PUM2: variants seen among roughly 807,000 people sequenced by gnomAD.
The protein encoded by PUM2 is pumilio homolog 2.
PUM2 carries 57 observed loss-of-function variants against 124.5 expected under a neutral mutation model. The ratio of observed to expected loss-of-function variants is 0.46; its 90% CI spans 0.37 to 0.57. The LOEUF is 0.57. PUM2 is among the 20% of genes least tolerant of loss of function. The pLI, the probability that PUM2 is intolerant of heterozygous loss-of-function variation, is 0.00. For synonymous variants in PUM2, 460 were observed against 446.1 expected (o/e 1.03, Z -0.39); for missense variants, 1,065 against 1,290.6 (o/e 0.83, Z 2.68).
chr2:20,311,677 ATC>A lies in PUM2; in HGVS notation c.349-16_349-15del. On this transcript the variant is annotated splice_polypyrimidine_tract_variant and intron_variant, in intron 4 of 20. Coordinates refer to ENST00000361078, the MANE Select transcript of PUM2 (RefSeq NM_015317.5). ...ATCTCTAGTGCCCTGAGGAAAAAGA[ATC>A]TGTTTGATTCTGAATATTTAATAGA... is the stretch of plus-strand genomic sequence containing the variant. The A allele has an allele frequency of 6.2e-7, 1 of 1,606,542 alleles. No homozygotes were observed. The highest frequency in any genetic ancestry group is 8.5e-7 in the Non-Finnish European group (1 of 1,177,986).
At chr2:20,303,435 G>GTTTTTT (rs11444507) in intron 7 of PUM2, among the ~76,000 whole-genome samples, 2 of 129,782 alleles carry the variant, frequency 1.5e-5, no homozygotes, top group Non-Finnish European at 3.2e-5. Flanking sequence ...AAGCTTTCAA[G>GTTTTTT]TTTTTTTTTT....
intron 7 of PUM2, among the ~76,000 whole-genome samples, chr2:20,302,377 T>A (rs915171533): frequency 2.0e-5 from 3 of 152,208 alleles, no homozygotes; most frequent in South Asian, 2.1e-4. Flanking sequence ...AATTAAAAAA[T>A]TTTTTAAAAA....
chr2:20,331,093 C>T (rs1421291417), intron 1 of PUM2, among the ~76,000 whole-genome samples: 1 of 149,052 alleles, frequency 6.7e-6, no homozygotes, highest in Non-Finnish European at 1.5e-5. Context: ...AGCCCTGGCA[C>T]ACAGAAACGT....
intron 8 of PUM2, among the ~76,000 whole-genome samples, chr2:20,296,833 CTG>C (rs766942137): frequency 6.6e-6 from 1 of 152,232 alleles, no homozygotes; most frequent in Non-Finnish European, 1.5e-5. Flanking sequence ...TCAAATAAGA[CTG>C]TGCCTGATCA....
At chr2:20,276,414 T>C (rs936798677) in intron 13 of PUM2, among the ~76,000 whole-genome samples, 1 of 151,992 alleles carries the variant, frequency 6.6e-6, no homozygotes, top group African/African-American at 2.4e-5. Context: ...CATCTTAAAA[T>C]AAAATCTCCC....
chr2:20,272,074 G>T (rs533653592), intron 13 of PUM2, among the ~76,000 whole-genome samples: 1 of 152,108 alleles, frequency 6.6e-6, no homozygotes, highest in Admixed American at 6.5e-5. Context: ...CAGGAGAATC[G>T]CTTGAACCTG....
At chr2:20,319,642 T>G (rs1431717329) in intron 2 of PUM2, among the ~76,000 whole-genome samples, 2 of 152,142 alleles carry the variant, frequency 1.3e-5, no homozygotes, top group African/African-American at 2.4e-5. Context: ...ATGTGTGTGT[T>G]TGTGTGTGTG....
At chr2:20,304,605 T>G (rs1342631855) in intron 7 of PUM2, among the ~76,000 whole-genome samples, 1 of 152,236 alleles carries the variant, frequency 6.6e-6, no homozygotes, top group East Asian at 1.9e-4. Context: ...CCATATGGTA[T>G]GCAAAGCTTT....
chr2:20,295,106 T>C (rs757795348), intron 8 of PUM2, among the ~76,000 whole-genome samples: 2 of 151,776 alleles, frequency 1.3e-5, no homozygotes, highest in Non-Finnish European at 1.5e-5. Flanking sequence ...GTTAGGAAAA[T>C]GAAACTGAGT....
intron 8 of PUM2, among the ~76,000 whole-genome samples, chr2:20,295,369 T>C (rs926610968): frequency 1.3e-5 from 2 of 152,198 alleles, no homozygotes; most frequent in East Asian, 1.9e-4. Flanking sequence ...TTTGTATTAA[T>C]GTATTTTTAA....
chr2:20,281,469 A>C (rs1453670818), intron 12 of PUM2, among the ~76,000 whole-genome samples: 2 of 152,288 alleles, frequency 1.3e-5, no homozygotes, highest in South Asian at 4.1e-4. Context: ...GGTTTAATCA[A>C]TGCTCTCTTT....
intron 13 of PUM2, among the ~76,000 whole-genome samples, chr2:20,264,208 G>C (rs931710493): frequency 1.3e-5 from 2 of 149,464 alleles, no homozygotes; most frequent in African/African-American, 2.5e-5. Context: ...GTGGTGGCGG[G>C]CACCTGTAAT....
At chr2:20,332,308 T>C (rs1419141352) in intron 1 of PUM2, among the ~76,000 whole-genome samples, 1 of 151,178 alleles carries the variant, frequency 6.6e-6, no homozygotes, top group Non-Finnish European at 1.5e-5. Context: ...TGTGTGTGTG[T>C]GTGTGTGTGT....
chr2:20,308,283 G>A, intron 6 of PUM2, 31 bp downstream of exon 6: 1 of 1,604,336 alleles, frequency 6.2e-7, no homozygotes, highest in Non-Finnish European at 8.5e-7. Flanking sequence ...ACAGTTAAGA[G>A]GACCTTCTTA....
At chr2:20,296,062 A>G (rs1440711884) in intron 8 of PUM2, among the ~76,000 whole-genome samples, 1 of 152,250 alleles carries the variant, frequency 6.6e-6, no homozygotes, top group Non-Finnish European at 1.5e-5. Flanking sequence ...AAATGGCACC[A>G]GAAAAGCTCA....
intron 1 of PUM2, among the ~76,000 whole-genome samples, chr2:20,338,209 C>T (rs749998184): frequency 8.5e-5 from 13 of 152,052 alleles, no homozygotes; most frequent in Admixed American, 5.2e-4. Flanking sequence ...CCAGCCTGGC[C>T]AACATGGTAA....
intron 19 of PUM2, 112 bp downstream of exon 19, chr2:20,254,750 CA>C (rs570987888): frequency 0.016 from 15,569 of 947,530 alleles, no homozygotes; most frequent in South Asian, 0.029. Flanking sequence ...TTAATGATAC[CA>C]AAAAAAAAAG....
chr2:20,285,090 C>T (rs1269624099), intron 10 of PUM2, among the ~76,000 whole-genome samples: 2 of 152,180 alleles, frequency 1.3e-5, no homozygotes, highest in Non-Finnish European at 2.9e-5. Context: ...GGACATTTGG[C>T]TATAAACACT....
chr2:20,334,244 C>G (rs1685518913), intron 1 of PUM2, among the ~76,000 whole-genome samples: 1 of 152,020 alleles, frequency 6.6e-6, no homozygotes, highest in Non-Finnish European at 1.5e-5. Flanking sequence ...TCTGGGAGGT[C>G]AAGACTGCAG....
Sources: gnomAD v4.1 joint callset for allele counts (sites outside exome capture counted in the v4.1 genomes callset) on GRCh38, gnomAD v4.1.1 for gene constraint, MANE v1.5 for transcripts, NCBI Gene and HGNC (gene_info 2026-07-23, HGNC 2026-07-21) for gene names.